The following MRPL1 variants were observed in gnomAD, a reference collection of about 807,000 sequenced individuals.
The protein encoded by MRPL1 is mitochondrial ribosomal protein L1.
Under a neutral mutation model 38.0 loss-of-function variants are expected in MRPL1, and 28 were observed. The observed-to-expected ratio is 0.74, with a 90% CI of 0.55 to 1.01. The LOEUF (loss-of-function observed/expected upper bound fraction) is 1.01. Ranked by LOEUF, MRPL1 falls within the 50% of genes least tolerant of loss-of-function variation. MRPL1 has a pLI of 0.00. For missense variants in MRPL1, 358 were observed against 389.8 expected (o/e 0.92, Z 0.69); for synonymous variants, 123 against 126.7 (o/e 0.97, Z 0.20).
chr4:77,921,652 A>G (rs908763866), intron 7 of MRPL1, among the ~76,000 whole-genome samples: 2 of 152,168 alleles, frequency 1.3e-5, no homozygotes, highest in Non-Finnish European at 2.9e-5. Context: ...CACAAAGGAA[A>G]CTACTTTGAT....
rs192860478 is a variant in MRPL1 at position 77,885,053 on chromosome 4, A to C, written c.403-203A>C. ...TAATCTTGAAAAAGTTTCTTGAAAA[A>C]AAAATAATCTGTTGTGCTTTAAATT... On this transcript the variant is annotated intron_variant, in intron 3 of 8. Coordinates refer to ENST00000315567, the MANE Select transcript of MRPL1 (RefSeq NM_020236.4). Among the ~76,000 whole-genome samples the C allele has an allele frequency of 1.5e-4, 23 of 152,362 alleles. No homozygotes were observed. The East Asian group carries it at 4.2e-3, about 28-fold the overall frequency.
At chr4:77,891,340 G>GT (rs1171902825) in intron 5 of MRPL1, among the ~76,000 whole-genome samples, 45 of 143,980 alleles carry the variant, frequency 3.1e-4, no homozygotes, top group African/African-American at 1.0e-3. Flanking sequence ...CTTTGGTTCA[G>GT]TTTTTTTTGT....
chr4:77,886,784 ATTTTCT>A (rs1164057021), intron 4 of MRPL1, among the ~76,000 whole-genome samples: 91 of 92,878 alleles, frequency 9.8e-4, no homozygotes, highest in African/African-American at 3.4e-3. Flanking sequence ...CCTGGTTTGC[ATTTTCT>A]TTTTTTTTTT....
chr4:77,896,733 G>C (rs1274667334), intron 6 of MRPL1, among the ~76,000 whole-genome samples: 1 of 152,164 alleles, frequency 6.6e-6, no homozygotes, highest in African/African-American at 2.4e-5. Context: ...GGGAGTGGGC[G>C]TGTGTACATT....
intron 3 of MRPL1, among the ~76,000 whole-genome samples, chr4:77,884,940 G>A (rs1178302151): frequency 6.6e-6 from 1 of 152,198 alleles, no homozygotes; most frequent in Non-Finnish European, 1.5e-5. Context: ...TTGAGAGACT[G>A]TGATGAATGA....
chr4:77,897,005 CTT>C (rs1242884888), intron 6 of MRPL1, among the ~76,000 whole-genome samples: 1 of 152,076 alleles, frequency 6.6e-6, no homozygotes, highest in Non-Finnish European at 1.5e-5. Context: ...TTAATTAAAA[CTT>C]TTTTATTTCT....
chr4:77,891,230 G>A (rs1735797117), intron 5 of MRPL1, among the ~76,000 whole-genome samples: 1 of 151,890 alleles, frequency 6.6e-6, no homozygotes, highest in African/African-American at 2.4e-5. Context: ...GAATAGAGCT[G>A]GGTCTCTAGA....
intron 3 of MRPL1, among the ~76,000 whole-genome samples, chr4:77,884,906 A>T (rs1735638172): frequency 6.6e-6 from 1 of 152,234 alleles, no homozygotes. Flanking sequence ...GAAGATGTTG[A>T]TATGCAAACA....
At chr4:77,932,504 G>A (rs1386528382) in intron 7 of MRPL1, among the ~76,000 whole-genome samples, 1 of 152,146 alleles carries the variant, frequency 6.6e-6, no homozygotes, top group Non-Finnish European at 1.5e-5. Flanking sequence ...AATATCCTGA[G>A]ATTGCCACAA....
chr4:77,864,982 C>T (rs906127514), intron 1 of MRPL1, among the ~76,000 whole-genome samples: 2 of 151,638 alleles, frequency 1.3e-5, no homozygotes, highest in South Asian at 2.1e-4. Context: ...CTCTGCCTCC[C>T]GGGTTCAAGC....
At chr4:77,942,038 G>A (rs185962086) in intron 7 of MRPL1, among the ~76,000 whole-genome samples, 96 of 152,054 alleles carry the variant, frequency 6.3e-4, no homozygotes, top group African/African-American at 2.1e-3. Flanking sequence ...TTAGTACTCC[G>A]TTTACTGAAT....
At chr4:77,864,039 CTG>C (rs1735071057) in intron 1 of MRPL1, among the ~76,000 whole-genome samples, 4 of 133,940 alleles carry the variant, frequency 3.0e-5, no homozygotes, top group Admixed American at 8.1e-5. Context: ...TTTAGGAAAA[CTG>C]TGTCAAGAGA....
chr4:77,875,864 G>A (rs940494358), intron 2 of MRPL1, among the ~76,000 whole-genome samples: 3 of 152,096 alleles, frequency 2.0e-5, no homozygotes, highest in Admixed American at 6.5e-5. Context: ...CTGGAGTACC[G>A]CTTGTACCAG....
intron 2 of MRPL1, among the ~76,000 whole-genome samples, chr4:77,881,204 G>A (rs1448528081): frequency 6.6e-6 from 1 of 152,060 alleles, no homozygotes; most frequent in Non-Finnish European, 1.5e-5. Context: ...TTTAGCAAAG[G>A]GCTTGAATGG....
At chr4:77,907,761 G>A (rs764648353) in intron 6 of MRPL1, among the ~76,000 whole-genome samples, 9 of 151,820 alleles carry the variant, frequency 5.9e-5, no homozygotes, top group Non-Finnish European at 8.8e-5. Flanking sequence ...ACGGGGTTTC[G>A]CCGTGTTGGC....
intron 6 of MRPL1, among the ~76,000 whole-genome samples, chr4:77,894,573 C>T (rs564676345): frequency 8.9e-4 from 136 of 152,116 alleles, no homozygotes; most frequent in Middle Eastern, 3.4e-3. Context: ...CCCTGTTTAT[C>T]AATATAATAT....
chr4:77,891,986 C>T (rs1248025525), intron 5 of MRPL1, among the ~76,000 whole-genome samples: 2 of 152,118 alleles, frequency 1.3e-5, no homozygotes, highest in African/African-American at 4.8e-5. Flanking sequence ...AGAAGGTATT[C>T]AGGTTATGAG....
chr4:77,934,517 T>C (rs1026665796), intron 7 of MRPL1, among the ~76,000 whole-genome samples: 3 of 152,162 alleles, frequency 2.0e-5, no homozygotes, highest in African/African-American at 4.8e-5. Flanking sequence ...AGGATGGCTA[T>C]TATTTAAAAA....
intron 7 of MRPL1, among the ~76,000 whole-genome samples, chr4:77,916,092 C>T (rs1235116602): frequency 6.6e-6 from 1 of 152,098 alleles, no homozygotes; most frequent in African/African-American, 2.4e-5. Context: ...AGAAATGAAA[C>T]TAAGGCAGAT....
Sources: gnomAD v4.1 joint callset for allele counts (sites outside exome capture counted in the v4.1 genomes callset) on GRCh38, gnomAD v4.1.1 for gene constraint, MANE v1.5 for transcripts, NCBI Gene and HGNC (gene_info 2026-07-23, HGNC 2026-07-21) for gene names.